CDH4: variants seen among roughly 807,000 people sequenced by gnomAD.
The protein encoded by CDH4 is cadherin 4.
Under a neutral mutation model 86.0 loss-of-function variants are expected in CDH4, and 33 were observed. That is an observed-to-expected ratio of 0.38 (90% CI 0.29 to 0.51). The LOEUF (loss-of-function observed/expected upper bound fraction) is 0.51. Among genes scored for constraint, CDH4 ranks in the 20% least tolerant of loss-of-function variants. The probability of loss-of-function intolerance (pLI) is 0.86; values close to 1 mark genes in which losing one functional copy is unlikely to be tolerated. For missense variants in CDH4, 1,114 were observed against 1,307.4 expected, an observed-to-expected ratio of 0.85 and a Z score of 2.28; for synonymous variants, 555 against 549.4, an observed-to-expected ratio of 1.01 and a Z score of -0.14.
intron 2 of CDH4, among the ~76,000 whole-genome samples, chr20:61,662,548 C>T (rs1051179831): frequency 1.3e-5 from 2 of 152,266 alleles, no homozygotes; most frequent in African/African-American, 2.4e-5. Flanking sequence ...GGGCACAGGA[C>T]GAGCACACAG....
intron 2 of CDH4, among the ~76,000 whole-genome samples, chr20:61,561,477 C>T (rs1388506067): frequency 6.6e-6 from 1 of 152,260 alleles, no homozygotes; most frequent in East Asian, 1.9e-4. Flanking sequence ...CCCGTCTCCT[C>T]CAAGTGGCCT....
At chr20:61,450,690 G>A (rs1008026866) in intron 2 of CDH4, among the ~76,000 whole-genome samples, 2 of 151,774 alleles carry the variant, frequency 1.3e-5, no homozygotes, top group African/African-American at 2.4e-5. Context: ...ATAAGACAAG[G>A]ACTTCTCAGG....
chr20:61,886,049 G>C (rs1203837781), intron 7 of CDH4, among the ~76,000 whole-genome samples: 1 of 152,216 alleles, frequency 6.6e-6, no homozygotes, highest in African/African-American at 2.4e-5. Flanking sequence ...CTGCAAGCCT[G>C]GGCTACAGGG....
chr20:61,856,036 G>A (rs1239773111), intron 6 of CDH4, among the ~76,000 whole-genome samples: 3 of 152,200 alleles, frequency 2.0e-5, no homozygotes, highest in African/African-American at 7.2e-5. Context: ...TGGTGTCCAT[G>A]CAAAGTGTGG....
chr20:61,731,306 G>T (rs59285897), intron 2 of CDH4, among the ~76,000 whole-genome samples: 1 of 152,066 alleles, frequency 6.6e-6, no homozygotes, highest in Non-Finnish European at 1.5e-5. Context: ...CCCCTCACAC[G>T]TGCCCAGTCA....
At chr20:61,768,722 G>C (rs1367360918) in intron 3 of CDH4, among the ~76,000 whole-genome samples, 1 of 152,180 alleles carries the variant, frequency 6.6e-6, no homozygotes, top group Admixed American at 6.5e-5. Flanking sequence ...TTCCAGGGAA[G>C]CGGGCGCATC....
chr20:61,854,530 A>G (rs1260450054), intron 6 of CDH4, among the ~76,000 whole-genome samples: 1 of 148,022 alleles, frequency 6.8e-6, no homozygotes, highest in Admixed American at 6.7e-5. Flanking sequence ...TGCAGTGTGA[A>G]CAGGGTGAAT....
chr20:61,925,689 T>C (rs918641729), intron 11 of CDH4, among the ~76,000 whole-genome samples: 2 of 152,096 alleles, frequency 1.3e-5, no homozygotes, highest in African/African-American at 4.8e-5. Flanking sequence ...TGCAGCACAA[T>C]TGAGGCTTTT....
At chr20:61,463,276 A>G (rs1169204879) in intron 2 of CDH4, among the ~76,000 whole-genome samples, 1 of 152,222 alleles carries the variant, frequency 6.6e-6, no homozygotes, top group East Asian at 1.9e-4. Context: ...ACAGAATAAT[A>G]CAGGTGGGCA....
At chr20:61,465,551 G>A (rs1175363798) in intron 2 of CDH4, among the ~76,000 whole-genome samples, 1 of 152,154 alleles carries the variant, frequency 6.6e-6, no homozygotes, top group East Asian at 1.9e-4. Context: ...TAAATTGTAT[G>A]GATGTATTGA....
intron 2 of CDH4, among the ~76,000 whole-genome samples, chr20:61,724,294 A>T (rs2088084496): frequency 6.6e-6 from 1 of 152,204 alleles, no homozygotes; most frequent in Admixed American, 6.5e-5. Flanking sequence ...CCGTGCCAGC[A>T]GCAGGGCAGC....
At chr20:61,717,470 T>G (rs933710430) in intron 2 of CDH4, 1 of 115,924 alleles carries the variant, frequency 8.6e-6, no homozygotes, top group Non-Finnish European at 1.9e-5. Flanking sequence ...TTTTGGTTTT[T>G]TGTCGTTGTT....
At chr20:61,758,620 T>C (rs2088594427) in intron 3 of CDH4, among the ~76,000 whole-genome samples, 1 of 152,200 alleles carries the variant, frequency 6.6e-6, no homozygotes, top group African/African-American at 2.4e-5. Flanking sequence ...GAAGTTGTCC[T>C]GAGGGCATGA....
chr20:61,687,216 A>G (rs11907815), intron 2 of CDH4, among the ~76,000 whole-genome samples: 14,145 of 152,228 alleles, frequency 0.093, 2,242 homozygotes, highest in African/African-American at 0.32. Context: ...CCCGCTCCAC[A>G]GCCTATTGTC....
intron 2 of CDH4, among the ~76,000 whole-genome samples, chr20:61,471,187 T>C (rs2085500081): frequency 6.6e-6 from 1 of 152,096 alleles, no homozygotes; most frequent in Non-Finnish European, 1.5e-5. Context: ...GCTGGCTTTT[T>C]AGTATGGCTT....
intron 2 of CDH4, among the ~76,000 whole-genome samples, chr20:61,498,215 A>T (rs1406871019): frequency 6.6e-6 from 1 of 152,188 alleles, no homozygotes; most frequent in African/African-American, 2.4e-5. Flanking sequence ...ATAATAAAAA[A>T]AAAAGGCCAC....
chr20:61,331,044 A>G (rs1024891198), intron 2 of CDH4, among the ~76,000 whole-genome samples: 1 of 151,946 alleles, frequency 6.6e-6, no homozygotes, highest in Non-Finnish European at 1.5e-5. Context: ...AGATTCTGCA[A>G]TTTCACTCCC....
At chr20:61,914,767 G>T (rs941875773) in intron 9 of CDH4, among the ~76,000 whole-genome samples, 3 of 152,184 alleles carry the variant, frequency 2.0e-5, no homozygotes, top group African/African-American at 4.8e-5. Context: ...AAAATCTGCA[G>T]ATTTTCAGAT....
At chr20:61,359,569 A>G (rs2123316279) in intron 2 of CDH4, among the ~76,000 whole-genome samples, 1 of 152,332 alleles carries the variant, frequency 6.6e-6, no homozygotes, top group Non-Finnish European at 1.5e-5. Flanking sequence ...TGATACATGA[A>G]GCAGGTGCTC....
Sources: gnomAD v4.1 joint callset for allele counts (sites outside exome capture counted in the v4.1 genomes callset) on GRCh38, gnomAD v4.1.1 for gene constraint, MANE v1.5 for transcripts, NCBI Gene and HGNC (gene_info 2026-07-23, HGNC 2026-07-21) for gene names.